The following NIPSNAP2 variants were observed in gnomAD, a reference collection of about 807,000 sequenced individuals.
The protein encoded by NIPSNAP2 is protein NipSnap homolog 2.
In NIPSNAP2, 42 loss-of-function variants were observed where a neutral mutation model predicts 48.4. The observed-to-expected ratio is 0.87, with a 90% CI of 0.68 to 1.12. The LOEUF is 1.12. Ranked by LOEUF, NIPSNAP2 falls within the 50% of genes most tolerant of loss-of-function variation. NIPSNAP2 has a pLI of 0.00. For synonymous variants in NIPSNAP2, 158 were observed against 126.6 expected, an observed-to-expected ratio of 1.25 and a Z score of -1.67; for missense variants, 314 against 347.3, an observed-to-expected ratio of 0.90 and a Z score of 0.76.
rs758332860 is a variant in NIPSNAP2, at chr7:55,983,831, G to T, written c.548G>T (p.Gly183Val). Reference protein sequence around the residue: ...SFWNEPVPRSGPNIYELRSYQ... With the variant: ...SFWNEPVPRSVPNIYELRSYQ... ...TGGAATGAGCCTGTGCCAAGATCCG[G>T]ACCTAATATATATGAACTCAGGTCT... The change falls in exon 6 of 10, where the codon GGA (glycine) becomes GTA (valine). Residue 183 changes from glycine to valine, a missense_variant. Physicochemically the swap from Gly to Val is moderately radical, Grantham distance 109. This residue lies in a region of NIPSNAP2 where 116 missense variants were observed against 161.8 expected (regional missense o/e 0.72). Coordinates refer to ENST00000322090, the MANE Select transcript of NIPSNAP2 (RefSeq NM_001483.3). 2 of 1,614,002 alleles carry T rather than the reference G, an allele frequency of 1.2e-6. No individual in the cohort carries two copies. The highest frequency in any genetic ancestry group is 1.7e-5 in the Admixed American group (1 of 60,000).
chr7:55,967,312 G>A (rs561166461), intron 1 of NIPSNAP2, among the ~76,000 whole-genome samples: 6 of 152,206 alleles, frequency 3.9e-5, no homozygotes, highest in Admixed American at 2.0e-4. Context: ...TCTTTTTCCC[G>A]CCATCTATCA....
In NIPSNAP2 at chr7:55,983,778, G is replaced by C. The variant is rs1278521225; in HGVS notation, c.495G>C (p.Lys165Asn). The change falls in exon 6 of 10, where the codon AAG (lysine) becomes AAC (asparagine). Residue 165 changes from lysine (K) to asparagine (N), a missense_variant. Lys to Asn is a moderately conservative substitution (Grantham distance 94). Around this residue, in one of 2 missense-constraint regions of NIPSNAP2, gnomAD observed 116 missense variants for 161.8 expected, o/e 0.72. Transcript: ENST00000322090. ...GAAGTGACATGCTTCTCTCCAGGAA[G>C]AATCAGCTCCTGTTGGAGTTCAGTT... is the stretch of plus-strand genomic sequence containing the variant. The part of the protein sequence containing the change: ...KARSDMLLSR[K>N]NQLLLEFSFW... 1.9e-6 allele frequency: 3 copies of C among 1,613,998 alleles called. No individual in the cohort carries two copies. The highest frequency in any genetic ancestry group is 2.5e-6 in the Non-Finnish European group (3 of 1,179,994).
intron 7 of NIPSNAP2, among the ~76,000 whole-genome samples, chr7:55,993,380 C>A (rs540109412): frequency 1.2e-4 from 18 of 151,668 alleles, no homozygotes; most frequent in African/African-American, 4.1e-4. Flanking sequence ...CAGATCGAGA[C>A]CAGCCTGGCC....
chr7:55,968,326 T>A (rs1263094727), intron 1 of NIPSNAP2, among the ~76,000 whole-genome samples: 1 of 152,116 alleles, frequency 6.6e-6, no homozygotes, highest in Non-Finnish European at 1.5e-5. Context: ...CATTGTGTTT[T>A]GGAGGTACAT....
In NIPSNAP2 at chr7:55,983,835, T is replaced by C. The variant is rs780408156; in HGVS notation, c.552T>C (p.Pro184=). The C allele has an allele frequency of 2.5e-6, 4 of 1,614,050 alleles. No individual in the cohort carries two copies. Among genetic ancestry groups the C allele is most frequent in the Non-Finnish European group, 2.5e-6 (3 of 1,179,920 alleles). The part of the protein sequence containing the change: ...FWNEPVPRSG[P]NIYELRSYQL... The stretch of plus-strand genomic sequence containing the variant: ...ATGAGCCTGTGCCAAGATCCGGACC[T>C]AATATATATGAACTCAGGTCTTACC... Residue 184 remains proline (P), a synonymous_variant, in exon 6 of 10, where the codon CCT becomes CCC. Coordinates refer to ENST00000322090, the MANE Select transcript of NIPSNAP2 (RefSeq NM_001483.3).
intron 7 of NIPSNAP2, among the ~76,000 whole-genome samples, chr7:55,993,263 C>T (rs141108231): frequency 9.6e-4 from 146 of 151,476 alleles, no homozygotes; most frequent in African/African-American, 3.4e-3. Flanking sequence ...CCCGCCACTG[C>T]ACTCCTGAGT....
intron 7 of NIPSNAP2, among the ~76,000 whole-genome samples, chr7:55,993,143 AC>A (rs1787484772): frequency 6.6e-6 from 1 of 152,034 alleles, no homozygotes; most frequent in African/African-American, 2.4e-5. Flanking sequence ...TACTAAAAAT[AC>A]AAAAATTAGC....
intron 8 of NIPSNAP2, among the ~76,000 whole-genome samples, chr7:55,996,298 A>AAG (rs1554344583): frequency 6.6e-5 from 10 of 151,754 alleles, no homozygotes; most frequent in African/African-American, 2.4e-4. Flanking sequence ...AAAAAAAAAA[A>AAG]AAAGAAAAGA....
intron 4 of NIPSNAP2, chr7:55,981,859 G>A (rs1787223672): frequency 1.6e-5 from 6 of 367,374 alleles, no homozygotes; most frequent in Non-Finnish European, 2.5e-5. Flanking sequence ...AGGCTGGAGT[G>A]CAGTGATGAG....
intron 2 of NIPSNAP2, 22 bp downstream of exon 2, chr7:55,978,287 T>C (rs371051143): frequency 6.2e-7 from 1 of 1,613,384 alleles, no homozygotes; most frequent in Non-Finnish European, 8.5e-7. Flanking sequence ...GTTTGCTATC[T>C]TCATAGTTGA....
chr7:55,993,663 C>G (rs1025862956), intron 7 of NIPSNAP2, among the ~76,000 whole-genome samples: 3 of 151,920 alleles, frequency 2.0e-5, no homozygotes, highest in Non-Finnish European at 4.4e-5. Flanking sequence ...TAACTTGAAC[C>G]CAGGAGATGG....
At chr7:55,994,450 C>A (rs754536760) in intron 7 of NIPSNAP2, among the ~76,000 whole-genome samples, 1 of 152,190 alleles carries the variant, frequency 6.6e-6, no homozygotes, top group Non-Finnish European at 1.5e-5. Context: ...TGGTGGCTCA[C>A]GCCTATAATC....
intron 3 of NIPSNAP2, 55 bp from the exon 4 acceptor site, chr7:55,981,418 A>T: frequency 7.7e-7 from 1 of 1,304,798 alleles, no homozygotes; most frequent in Non-Finnish European, 1.1e-6. Context: ...GGTGCTGTCC[A>T]CCTGGTCAAA....
rs1787216049 is a variant in NIPSNAP2, at chr7:55,981,508, A to G, written c.314A>G (p.His105Arg). 7.4e-6 allele frequency: 12 copies of G among 1,613,988 alleles called. No individual in the cohort carries two copies. The highest frequency in any genetic ancestry group is 9.3e-6 in the Non-Finnish European group (11 of 1,179,924). The change falls in exon 4 of 10, where the codon CAC (histidine) becomes CGC (arginine). Residue 105 changes from histidine to arginine, a missense_variant. By Grantham distance (29) the His-to-Arg change is conservative. This residue lies in a region of NIPSNAP2 where 198 missense variants were observed against 185.5 expected (regional missense o/e 1.07). Transcript: ENST00000322090. ...EVLPKIHEDK[H>R]YPCTLVGTWN... ...TTGCCAAAGATTCACGAAGATAAACACTACCCTTGTACTTTGGTGGGGACT... is the reference window on the plus strand; with the variant it reads ...TTGCCAAAGATTCACGAAGATAAACGCTACCCTTGTACTTTGGTGGGGACT...
chr7:55,981,972 AATT>A (rs1787225860), intron 4 of NIPSNAP2: 1 of 341,630 alleles, frequency 2.9e-6, no homozygotes. Context: ...ACACCCAGGT[AATT>A]TTTGTATTTT....
At position 55,997,409 on chromosome 7, in the gene NIPSNAP2, A is replaced by G. The variant is rs565250275; in HGVS notation, c.756A>G (p.Ala252=). 2 of 1,613,972 alleles carry G rather than the reference A, an allele frequency of 1.2e-6. No individual in the cohort carries two copies. The highest frequency in any genetic ancestry group is 2.2e-5 in the South Asian group (2 of 91,082). ...CCAGGGAAGACATACGGAATGCAGC[A>G]TGGCACAAACATGGCTGGGAGGAAT... ...LQTREDIRNA[A]WHKHGWEELV... Residue 252 remains alanine, a synonymous_variant, in exon 9 of 10, where the codon GCA becomes GCG. Coordinates refer to ENST00000322090, the MANE Select transcript of NIPSNAP2 (RefSeq NM_001483.3).
At chr7:55,997,986 G>C (rs915453195) in intron 9 of NIPSNAP2, among the ~76,000 whole-genome samples, 1 of 152,146 alleles carries the variant, frequency 6.6e-6, no homozygotes, top group Non-Finnish European at 1.5e-5. Flanking sequence ...TAACCCAGTG[G>C]CATTGGTAGA....
chr7:55,978,310 T>A, intron 2 of NIPSNAP2, 40 bp from the exon 3 acceptor site: 1 of 1,613,516 alleles, frequency 6.2e-7, no homozygotes, highest in Non-Finnish European at 8.5e-7. Flanking sequence ...TTTTTTCCCC[T>A]TTGTTCCTAA....
At chr7:55,988,779 C>T (rs565092576) in intron 7 of NIPSNAP2, among the ~76,000 whole-genome samples, 207 of 152,050 alleles carry the variant, frequency 1.4e-3, no homozygotes, top group Non-Finnish European at 2.5e-3. Context: ...GCAGGAGAAT[C>T]GCTTGAACCC....
Sources: allele counts gnomAD v4.1 joint callset (sites outside exome capture counted in the v4.1 genomes callset), GRCh38; gene constraint gnomAD v4.1.1; regional missense constraint gnomAD v4.1.1; transcripts MANE v1.5; gene names NCBI Gene and HGNC (gene_info 2026-07-23, HGNC 2026-07-21).